Variants in ZNF232 observed in about 807,000 individuals in gnomAD.
ZNF232 encodes zinc finger protein 232, also known as zinc finger and SCAN domain-containing protein 11.
ZNF232 carries 25 observed loss-of-function variants against 25.2 expected under a neutral mutation model. That is an observed-to-expected ratio of 0.99 (90% CI 0.72 to 1.39). ZNF232 has a LOEUF of 1.39. ZNF232 is among the 40% of genes most tolerant of loss of function. The pLI is 0.00. For missense variants in ZNF232, 519 were observed against 520.9 expected, an observed-to-expected ratio of 1.00 and a Z score of 0.04; for synonymous variants, 193 against 182.9, an observed-to-expected ratio of 1.06 and a Z score of -0.45.
At chr17:5,111,913 C>A, upstream of ZNF232, 1 of 1,544,872 alleles carries the variant, frequency 6.5e-7, no homozygotes, top group East Asian at 2.4e-5. Context: ...CTCCAACTCC[C>A]AGAATCCTCC....
At chr17:5,110,800 C>A (rs565125450) in intron 1 of ZNF232, among the ~76,000 whole-genome samples, 44 of 152,146 alleles carry the variant, frequency 2.9e-4, no homozygotes, top group Non-Finnish European at 5.1e-4. Context: ...GTTGAGGATG[C>A]ACCCAGGAAA....
chr17:5,108,207 A>T (rs1482267142), intron 3 of ZNF232, among the ~76,000 whole-genome samples: 3 of 152,038 alleles, frequency 2.0e-5, no homozygotes, highest in Non-Finnish European at 2.9e-5. Flanking sequence ...TATCAAGTAG[A>T]CTCTTCTTGG....
chr17:5,111,938 C>T, upstream of ZNF232: 2 of 1,450,258 alleles, frequency 1.4e-6, no homozygotes, highest in South Asian at 1.3e-5. Flanking sequence ...CGCCGGCTTC[C>T]GTTCGCGGAC....
In ZNF232 at chr17:5,109,629, TG is replaced by T; in HGVS notation, c.262del (p.Gln88ArgfsTer10). ...GGCCTCCCGGGGACCAGGAGTCTCC[TG>T]GTAGCGGAGATGCCTGAAGCGTTGG... On this transcript the variant is annotated frameshift_variant, in exon 2 of 4. Coordinates refer to ENST00000575898, the Ensembl canonical transcript of ZNF232. LOFTEE classifies it high-confidence loss of function. The T allele has an allele frequency of 6.2e-7, 1 of 1,614,238 alleles. No homozygotes were observed. Among genetic ancestry groups the T allele is most frequent in the Non-Finnish European group, 8.5e-7 (1 of 1,180,040 alleles).
intron 3 of ZNF232, among the ~76,000 whole-genome samples, chr17:5,106,851 A>T (rs1485579943): frequency 6.6e-6 from 1 of 152,218 alleles, no homozygotes; most frequent in Non-Finnish European, 1.5e-5. Flanking sequence ...GATGTTGTGA[A>T]GAAAGGGAAA....
rs1189976817 is a variant in ZNF232 at position 5,109,193 on chromosome 17, A to G, written c.499-141T>C. On this transcript the variant is annotated intron_variant, in intron 2 of 3. Coordinates refer to ENST00000575898, the Ensembl canonical transcript of ZNF232. ...GACTTTAGAGAGCCTCCTCAGAGTC[A>G]GCACAAGGGAAGAAGAGGAGCTAGA... The G allele has an allele frequency of 3.0e-6, 4 of 1,322,748 alleles. No individual in the cohort carries two copies. In the African/African-American group the frequency reaches 5.9e-5, roughly 19 times the overall value. The allele number at this position is 1,322,748 out of a possible 1,614,324, so 81.9% of individuals were successfully genotyped here. A position where few individuals can be genotyped will look rare whatever the true frequency, so the allele number is the denominator to read the frequency against.
At chr17:5,110,351 C>T (rs1299510397) in intron 1 of ZNF232, among the ~76,000 whole-genome samples, 2 of 152,010 alleles carry the variant, frequency 1.3e-5, no homozygotes, top group African/African-American at 2.4e-5. Flanking sequence ...GTGGTAGAAA[C>T]GGGGATGTAA....
At chr17:5,111,983 G>A (rs1351606260), upstream of ZNF232, 2 of 1,053,200 alleles carry the variant, frequency 1.9e-6, no homozygotes, top group African/African-American at 1.6e-5. Context: ...CCGAGAGGCT[G>A]GGAGCCCGGG....
upstream of ZNF232, chr17:5,114,026 A>G (rs1409099009): frequency 2.6e-5 from 4 of 152,240 alleles, no homozygotes; most frequent in African/African-American, 9.7e-5. Context: ...GAGACTAAGT[A>G]CTATACACTG....
At chr17:5,111,846 C>T (rs1422014025), upstream of ZNF232, 2 of 1,613,698 alleles carry the variant, frequency 1.2e-6, no homozygotes, top group South Asian at 1.1e-5. Context: ...CGAATCGCGC[C>T]ACTTACAGCC....
In ZNF232 at chr17:5,106,218, T is replaced by C. The variant is rs760531158; in HGVS notation, c.914A>G (p.Tyr305Cys). 6.8e-5 allele frequency: 109 copies of C among 1,614,158 alleles called. No individual in the cohort carries two copies. The highest frequency in any genetic ancestry group is 8.8e-5 in the Non-Finnish European group (104 of 1,180,062). ...CTGGTGGACAACAAGATGTGAGTTATAAATGAAGGTTTTACCACATTCACT... is the reference window on the plus strand; with the variant it reads ...CTGGTGGACAACAAGATGTGAGTTACAAATGAAGGTTTTACCACATTCACT... The change falls in exon 4 of 4, where the codon TAT becomes TGT. Residue 305 changes from tyrosine (Y) to cysteine (C), a missense_variant. Coordinates refer to ENST00000575898, the Ensembl canonical transcript of ZNF232.
At chr17:5,108,768 A>G in intron 3 of ZNF232, 158 bp downstream of exon 3, 2 of 1,184,694 alleles carry the variant, frequency 1.7e-6, no homozygotes, top group Non-Finnish European at 2.3e-6. Context: ...GAGTGATGAA[A>G]CAGGCAAAGT....
chr17:5,107,628 T>A (rs2072293965), intron 3 of ZNF232, among the ~76,000 whole-genome samples: 1 of 151,262 alleles, frequency 6.6e-6, no homozygotes, highest in African/African-American at 2.4e-5. Flanking sequence ...AACCTCTGCT[T>A]CCCTGGTTCA....
intron 3 of ZNF232, among the ~76,000 whole-genome samples, chr17:5,108,405 G>C (rs185281743): frequency 6.6e-6 from 1 of 152,252 alleles, no homozygotes; most frequent in African/African-American, 2.4e-5. Context: ...ACACATAAGA[G>C]AGTTTCAGAT....
chr17:5,109,972 C>T (rs905773827), intron 1 of ZNF232, 104 bp from the exon 2 acceptor site: 17 of 1,147,672 alleles, frequency 1.5e-5, no homozygotes, highest in South Asian at 9.9e-5. Context: ...TCACTGCAAC[C>T]TCCACCCCCG....
chr17:5,111,547 C>T (rs1245915583), intron 1 of ZNF232: 2 of 572,216 alleles, frequency 3.5e-6, no homozygotes, highest in Non-Finnish European at 6.0e-6. Flanking sequence ...TACAACTCCC[C>T]TTCCCACCCT....
chr17:5,106,210 G>A, exon 4 of ZNF232: 1 of 1,614,244 alleles, frequency 6.2e-7, no homozygotes, highest in Non-Finnish European at 8.5e-7. Context: ...ACAACAAGAT[G>A]TGAGTTATAA....
chr17:5,116,109 C>G (rs530344956), upstream of ZNF232, among the ~76,000 whole-genome samples: 1 of 152,216 alleles, frequency 6.6e-6, no homozygotes, highest in Non-Finnish European at 1.5e-5. Context: ...GAGCTCGTCT[C>G]CAGGCGCCCA....
intron 1 of ZNF232, among the ~76,000 whole-genome samples, chr17:5,117,345 C>T (rs541495370): frequency 9.9e-5 from 15 of 151,940 alleles, no homozygotes; most frequent in African/African-American, 3.6e-4. Context: ...GTGAAACCCC[C>T]TCTCTACAAA....
Sources: allele counts gnomAD v4.1 joint callset (sites outside exome capture counted in the v4.1 genomes callset), GRCh38; gene constraint gnomAD v4.1.1; transcripts MANE v1.5; gene names NCBI Gene and HGNC (gene_info 2026-07-23, HGNC 2026-07-21).